ROCK1: variants seen among roughly 807,000 people sequenced by gnomAD.
ROCK1 encodes the protein Rho associated coiled-coil containing protein kinase 1, also known as rho-associated protein kinase 1.
A neutral mutation model predicts 196.8 loss-of-function variants in ROCK1; 36 were observed. The ratio of observed to expected loss-of-function variants is 0.18; its 90% CI spans 0.14 to 0.24. The LOEUF (loss-of-function observed/expected upper bound fraction) is 0.24, where lower values mean the gene tolerates loss of function less well. Among genes scored for constraint, ROCK1 ranks in the 10% least tolerant of loss-of-function variants. The pLI is 1.00. For missense variants in ROCK1, 920 were observed against 1,562.0 expected (o/e 0.59, Z 6.93); for synonymous variants, 443 against 515.9 (o/e 0.86, Z 1.91).
chr18:20,951,992 C>T (rs999962889), intron 32 of ROCK1, among the ~76,000 whole-genome samples: 6 of 152,092 alleles, frequency 3.9e-5, no homozygotes, highest in African/African-American at 1.4e-4. Flanking sequence ...AATCCATTGG[C>T]TGTGTGATTG....
chr18:20,954,514 T>C (rs1289828327), intron 31 of ROCK1, among the ~76,000 whole-genome samples: 6 of 152,164 alleles, frequency 3.9e-5, no homozygotes, highest in Admixed American at 1.3e-4. Context: ...AGGCAGAGGC[T>C]GCAGTGAGCT....
At chr18:21,076,435 T>C (rs1455887325) in intron 1 of ROCK1, among the ~76,000 whole-genome samples, 2 of 151,878 alleles carry the variant, frequency 1.3e-5, no homozygotes, top group East Asian at 3.9e-4. Context: ...ACCCAGGAGG[T>C]GGAGATTGCA....
chr18:20,994,709 G>C (rs184524330), intron 16 of ROCK1, among the ~76,000 whole-genome samples: 1 of 152,130 alleles, frequency 6.6e-6, no homozygotes, highest in Non-Finnish European at 1.5e-5. Context: ...TTGAATCCAC[G>C]CAAGATTCCT....
intron 19 of ROCK1, among the ~76,000 whole-genome samples, chr18:20,985,538 C>A (rs1303592092): frequency 6.6e-6 from 1 of 152,170 alleles, no homozygotes; most frequent in Non-Finnish European, 1.5e-5. Context: ...TCCGTACTTT[C>A]TTTCTAATTA....
intron 1 of ROCK1, among the ~76,000 whole-genome samples, chr18:21,076,905 AGTGTTAT>A (rs2036436689): frequency 1.3e-5 from 2 of 152,274 alleles, no homozygotes; most frequent in South Asian, 4.1e-4. Flanking sequence ...ATGGTAGGAA[AGTGTTAT>A]GGCAGTTTAC....
intron 19 of ROCK1, among the ~76,000 whole-genome samples, chr18:20,985,364 C>A (rs1321403153): frequency 6.6e-6 from 1 of 152,146 alleles, no homozygotes; most frequent in Non-Finnish European, 1.5e-5. Context: ...TCATATTCTT[C>A]AGATCCTCAA....
At chr18:21,086,245 G>A (rs1261371669) in intron 1 of ROCK1, among the ~76,000 whole-genome samples, 1 of 151,610 alleles carries the variant, frequency 6.6e-6, no homozygotes, top group Non-Finnish European at 1.5e-5. Context: ...CTGAGTAGCT[G>A]GGATTACAGG....
At chr18:21,065,016 G>A (rs1275290037) in intron 2 of ROCK1, among the ~76,000 whole-genome samples, 2 of 152,194 alleles carry the variant, frequency 1.3e-5, no homozygotes, top group Non-Finnish European at 2.9e-5. Flanking sequence ...GCATTAAGAA[G>A]GCAGAGGCCA....
Position 21,021,408 on chromosome 18 carries a change from C to T in ROCK1, c.1273-1169G>A, listed in dbSNP as rs532906494. On this transcript the variant is annotated intron_variant, in intron 11 of 32. Transcript: ENST00000399799. The stretch of plus-strand genomic sequence containing the variant: ...TGAAAGTGAGCAGAGGAGGAAGATC[C>T]TGAAAAGAGGATTGAAAAATAAATA... Among the ~76,000 whole-genome samples, 6 of 151,910 alleles carry T rather than the reference C, an allele frequency of 3.9e-5. No individual in the cohort carries two copies. In the South Asian group the frequency reaches 1.0e-3, roughly 26 times the overall value.
intron 1 of ROCK1, among the ~76,000 whole-genome samples, chr18:21,108,417 T>G (rs1470602335): frequency 1.3e-5 from 2 of 152,226 alleles, no homozygotes; most frequent in East Asian, 3.8e-4. Flanking sequence ...TCTAAATCAT[T>G]ATCTGTAATT....
chr18:20,996,597 C>G (rs2035672943), intron 16 of ROCK1, among the ~76,000 whole-genome samples: 1 of 152,090 alleles, frequency 6.6e-6, no homozygotes, highest in African/African-American at 2.4e-5. Flanking sequence ...TGACTCAGCA[C>G]AGTTCCAGGG....
intron 17 of ROCK1, 75 bp from the exon 18 acceptor site, chr18:20,991,401 T>C: frequency 1.0e-6 from 1 of 986,020 alleles, no homozygotes; most frequent in Non-Finnish European, 1.4e-6. Flanking sequence ...ACATTTAATA[T>C]TCTGGAAGAG....
At chr18:21,056,364 C>G (rs1007121448) in intron 2 of ROCK1, among the ~76,000 whole-genome samples, 5 of 152,194 alleles carry the variant, frequency 3.3e-5, no homozygotes, top group African/African-American at 1.2e-4. Flanking sequence ...CTATGTGTCC[C>G]ACACTTTGGC....
intron 9 of ROCK1, among the ~76,000 whole-genome samples, chr18:21,034,399 C>T (rs911700834): frequency 4.6e-5 from 7 of 152,080 alleles, no homozygotes; most frequent in African/African-American, 1.7e-4. Flanking sequence ...TCAAAACTTA[C>T]TACAGAGCTA....
At chr18:21,096,821 G>C (rs1286654457) in intron 1 of ROCK1, among the ~76,000 whole-genome samples, 3 of 152,172 alleles carry the variant, frequency 2.0e-5, no homozygotes, top group South Asian at 2.1e-4. Flanking sequence ...ACTGAACACT[G>C]ATGTCTAGAA....
At chr18:21,063,878 C>G (rs2036312310) in intron 2 of ROCK1, among the ~76,000 whole-genome samples, 1 of 152,138 alleles carries the variant, frequency 6.6e-6, no homozygotes, top group African/African-American at 2.4e-5. Context: ...TTATTATAAC[C>G]AGACCATTTA....
In ROCK1 at chr18:20,968,043, T is replaced by C. The variant is rs1598511293; in HGVS notation, c.3004-103A>G. 5.0e-5 allele frequency: 55 copies of C among 1,101,556 alleles called. No homozygotes were observed. In the East Asian group the frequency reaches 1.5e-3, roughly 30 times the overall value. The allele number at this position is 1,101,556 out of a possible 1,614,324, so 68.2% of individuals were successfully genotyped here. A position where few individuals can be genotyped will look rare whatever the true frequency, so the allele number is the denominator to read the frequency against. Reference sequence around the variant, plus strand: ...CAGGAAGCAGGACTTTCTGTGTGTATGAAAATTAGGACAACTTCATGATGG... The same window carrying C: ...CAGGAAGCAGGACTTTCTGTGTGTACGAAAATTAGGACAACTTCATGATGG... On this transcript the variant is annotated intron_variant, in intron 25 of 32. Coordinates refer to ENST00000399799, the MANE Select transcript of ROCK1 (RefSeq NM_005406.3).
chr18:21,070,650 T>A (rs773546897), intron 1 of ROCK1, 37 bp from the exon 2 acceptor site: 16 of 1,379,760 alleles, frequency 1.2e-5, no homozygotes, highest in Non-Finnish European at 1.5e-5. Context: ...GTTTTTTGGA[T>A]CACATTATAC....
At chr18:21,019,695 G>C (rs974669963) in intron 12 of ROCK1, among the ~76,000 whole-genome samples, 4 of 151,802 alleles carry the variant, frequency 2.6e-5, no homozygotes, top group Admixed American at 6.6e-5. Flanking sequence ...CTACTCGGGA[G>C]GCTGAGGCAG....
Sources: allele counts gnomAD v4.1 joint callset (sites outside exome capture counted in the v4.1 genomes callset), GRCh38; gene constraint gnomAD v4.1.1; transcripts MANE v1.5; gene names NCBI Gene and HGNC (gene_info 2026-07-23, HGNC 2026-07-21).